The following RAI14 variants were observed in gnomAD, a reference collection of about 807,000 sequenced individuals.
The protein encoded by RAI14 is ankycorbin.
RAI14 carries 45 observed loss-of-function variants against 115.4 expected under a neutral mutation model. The observed-to-expected ratio is 0.39, with a 90% confidence interval of 0.31 to 0.50. RAI14 has a LOEUF of 0.50. Among genes scored for constraint, RAI14 ranks in the 20% least tolerant of loss-of-function variants. The pLI, the probability that RAI14 is intolerant of heterozygous loss-of-function variation, is 0.85. For missense variants in RAI14, 939 were observed against 1,131.2 expected (o/e 0.83, Z 2.44); for synonymous variants, 371 against 415.4 (o/e 0.89, Z 1.30).
chr5:34,724,103 G>A (rs1363815885), intron 2 of RAI14, among the ~76,000 whole-genome samples: 1 of 152,184 alleles, frequency 6.6e-6, no homozygotes, highest in Admixed American at 6.5e-5. Flanking sequence ...TGCAAACTCT[G>A]CCTCCTGGAT....
chr5:34,761,927 C>G (rs1748701089), intron 3 of RAI14, among the ~76,000 whole-genome samples: 1 of 152,174 alleles, frequency 6.6e-6, no homozygotes, highest in Non-Finnish European at 1.5e-5. Context: ...CCACACCCAC[C>G]TTTATTCTAT....
At chr5:34,821,605 C>T (rs1321886479) in intron 13 of RAI14, 127 bp from the exon 14 acceptor site, 26 of 621,322 alleles carry the variant, frequency 4.2e-5, no homozygotes, top group Non-Finnish European at 6.8e-5. Flanking sequence ...ACCCATCCAG[C>T]TGCTAGGGCG....
chr5:34,664,154 G>A (rs77404496), intron 1 of RAI14, among the ~76,000 whole-genome samples: 3,076 of 151,982 alleles, frequency 0.02, 106 homozygotes, highest in African/African-American at 0.069. Flanking sequence ...AAATACATGG[G>A]CTCTTTTTTT....
At chr5:34,799,722 C>A (rs2150222144) in intron 4 of RAI14, among the ~76,000 whole-genome samples, 1 of 128,150 alleles carries the variant, frequency 7.8e-6, no homozygotes, top group Non-Finnish European at 1.6e-5. Context: ...CGGAGTCTCA[C>A]TGTCTCCCAG....
intron 4 of RAI14, among the ~76,000 whole-genome samples, chr5:34,799,684 C>CTTTTT (rs1754015236): frequency 1.0e-5 from 1 of 97,860 alleles, no homozygotes; most frequent in African/African-American, 3.6e-5. Flanking sequence ...AATCTGTTAG[C>CTTTTT]ATTTTTTTTT....
intron 2 of RAI14, among the ~76,000 whole-genome samples, chr5:34,713,336 A>G (rs1186782216): frequency 1.3e-5 from 2 of 152,148 alleles, no homozygotes; most frequent in East Asian, 3.9e-4. Context: ...GGAGAGACTC[A>G]CTAAAGGGAG....
chr5:34,665,178 C>CATATATGTATATATAT (rs1554037638), intron 1 of RAI14, among the ~76,000 whole-genome samples: 1 of 7,092 alleles, frequency 1.4e-4, no homozygotes, highest in Non-Finnish European at 3.1e-4. Flanking sequence ...TATATACACA[C>CATATATGTATATATAT]ATATATATAT....
At chr5:34,671,801 A>G (rs256286) in intron 1 of RAI14, among the ~76,000 whole-genome samples, 102,411 of 151,982 alleles carry the variant, frequency 0.67, 36,321 homozygotes, top group South Asian at 0.91. Flanking sequence ...GTGCATCTCA[A>G]TTTGCACTAG....
At chr5:34,739,269 C>T (rs1426207559) in intron 2 of RAI14, among the ~76,000 whole-genome samples, 2 of 152,116 alleles carry the variant, frequency 1.3e-5, no homozygotes, top group Non-Finnish European at 2.9e-5. Flanking sequence ...TATCTCGTGT[C>T]TTGCAGTTGA....
chr5:34,678,635 C>A (rs1744170973), intron 1 of RAI14, among the ~76,000 whole-genome samples: 1 of 152,216 alleles, frequency 6.6e-6, no homozygotes, highest in South Asian at 2.1e-4. Context: ...CCTGTTGACA[C>A]CTTGATCTTG....
At chr5:34,698,584 A>G (rs1579949287) in intron 2 of RAI14, among the ~76,000 whole-genome samples, 1 of 152,146 alleles carries the variant, frequency 6.6e-6, no homozygotes, top group African/African-American at 2.4e-5. Context: ...GGGCTGAGCC[A>G]TCACGATTGG....
intron 1 of RAI14, among the ~76,000 whole-genome samples, chr5:34,676,196 T>C (rs1743963339): frequency 6.6e-6 from 1 of 152,248 alleles, no homozygotes; most frequent in Non-Finnish European, 1.5e-5. Context: ...TCAAGATAGG[T>C]GAAACTTAAG....
At chr5:34,690,796 G>A (rs901333988) in intron 2 of RAI14, among the ~76,000 whole-genome samples, 1 of 151,972 alleles carries the variant, frequency 6.6e-6, no homozygotes, top group African/African-American at 2.4e-5. Flanking sequence ...TTTTTACTTC[G>A]CATTTATAAC....
intron 2 of RAI14, among the ~76,000 whole-genome samples, chr5:34,705,645 T>G (rs1237314774): frequency 1.3e-5 from 2 of 152,030 alleles, no homozygotes; most frequent in Admixed American, 1.3e-4. Context: ...CCAGTTTCCT[T>G]TTTTCTTTTT....
rs556186765 is a variant in RAI14, at chr5:34,831,420, G to T, written c.*655G>T. 1.3e-5 allele frequency: 2 copies of T among 152,646 alleles called. No homozygotes were observed. The highest frequency in any genetic ancestry group is 2.1e-4 in the South Asian group (1 of 4,826). 9.5% of individuals were successfully genotyped at this position (152,646 alleles called of 1,614,324 possible). A position where few individuals can be genotyped will look rare whatever the true frequency, so the allele number is the denominator to read the frequency against. ...AAACAAAAGCAAGTTGTCCTTAAAA[G>T]TTCTTTTTTTAAGTAAATTGTTGAC... On this transcript the variant is annotated 3_prime_UTR_variant, in exon 18 of 18. Coordinates refer to ENST00000265109, the MANE Select transcript of RAI14 (RefSeq NM_015577.3).
At chr5:34,674,586 G>GTTTTT (rs370599165) in intron 1 of RAI14, among the ~76,000 whole-genome samples, 24 of 132,528 alleles carry the variant, frequency 1.8e-4, no homozygotes, top group African/African-American at 6.2e-4. Flanking sequence ...CGGATCTTTT[G>GTTTTT]TTTTTTTTTT....
chr5:34,805,162 G>T lies in RAI14; in HGVS notation c.321+1386G>T, dbSNP rs575488206. On this transcript the variant is annotated intron_variant, in intron 5 of 17. Transcript: ENST00000265109. The stretch of plus-strand genomic sequence containing the variant: ...TCTCCATTCTTCTTACCACGAAAGG[G>T]CAGACATTTCACTAGCGTGGTAGTG... Among the ~76,000 whole-genome samples the T allele has an allele frequency of 4.3e-4, 66 of 152,282 alleles. No individual in the cohort carries two copies. The South Asian group carries it at 6.6e-3, about 15-fold the overall frequency.
chr5:34,660,542 A>C (rs1156868572), intron 1 of RAI14, among the ~76,000 whole-genome samples: 1 of 152,142 alleles, frequency 6.6e-6, no homozygotes, highest in Non-Finnish European at 1.5e-5. Flanking sequence ...TTTCTCAGCT[A>C]CTCACTGGCC....
intron 2 of RAI14, chr5:34,716,075 A>G: frequency 2.2e-6 from 1 of 451,564 alleles, no homozygotes; most frequent in Non-Finnish European, 4.4e-6. Context: ...TCTGTAAAGA[A>G]CTCTAACATT....
Sources: allele counts gnomAD v4.1 joint callset (sites outside exome capture counted in the v4.1 genomes callset), GRCh38; gene constraint gnomAD v4.1.1; transcripts MANE v1.5; gene names NCBI Gene and HGNC (gene_info 2026-07-23, HGNC 2026-07-21).